F13A1: variants seen among roughly 807,000 people sequenced by gnomAD.
F13A1 encodes coagulation factor XIII A chain.
In F13A1, 47 loss-of-function variants were observed where a neutral mutation model predicts 80.1. That is an observed-to-expected ratio of 0.59 (90% CI 0.46 to 0.75). The LOEUF (loss-of-function observed/expected upper bound fraction) is 0.75. Ranked by LOEUF, F13A1 falls within the 30% of genes least tolerant of loss-of-function variation. The pLI is 0.00. For synonymous variants in F13A1, 349 were observed against 344.9 expected, an observed-to-expected ratio of 1.01 and a Z score of -0.13; for missense variants, 817 against 930.4, an observed-to-expected ratio of 0.88 and a Z score of 1.59.
chr6:6,222,685 T>G (rs1211485249), intron 7 of F13A1, among the ~76,000 whole-genome samples: 1 of 152,238 alleles, frequency 6.6e-6, no homozygotes, highest in African/African-American at 2.4e-5. Flanking sequence ...TCTTGCCATA[T>G]GTACCTACTG....
In F13A1 at chr6:6,151,483, G is replaced by C. The variant is rs149275155; in HGVS notation, c.2045+330C>G. On this transcript the variant is annotated intron_variant, in intron 14 of 14. Transcript: ENST00000264870. ...CAAACTTGGGTTCTGGAATTCACCAGCCTGAGTCTGAATCTTGGCTCTGTT... is the reference window on the plus strand; with the variant it reads ...CAAACTTGGGTTCTGGAATTCACCACCCTGAGTCTGAATCTTGGCTCTGTT... Among the ~76,000 whole-genome samples the C allele has an allele frequency of 5.7e-3, 862 of 152,280 alleles. 11 individuals carry two copies. Among genetic ancestry groups the C allele is most frequent in the African/African-American group, 0.019 (802 of 41,552 alleles).
In F13A1 at chr6:6,145,371, G is replaced by A; in HGVS notation, c.*248C>T. The A allele has an allele frequency of 1.9e-6, 1 of 534,700 alleles. No individual in the cohort carries two copies. Among genetic ancestry groups the A allele is most frequent in the Non-Finnish European group, 3.4e-6 (1 of 295,774 alleles). 33.1% of individuals were successfully genotyped at this position (534,700 alleles called of 1,614,324 possible). A position where few individuals can be genotyped will look rare whatever the true frequency, so the allele number is the denominator to read the frequency against. On this transcript the variant is annotated 3_prime_UTR_variant, in exon 15 of 15. Transcript: ENST00000264870. ...ACTGTTACTCTTATGAGCTATGAGAGCTTAATTAAAGCTAATGCTTAGCAC... is the reference window on the plus strand; with the variant it reads ...ACTGTTACTCTTATGAGCTATGAGAACTTAATTAAAGCTAATGCTTAGCAC...
At chr6:6,157,801 C>T (rs963316214) in intron 13 of F13A1, among the ~76,000 whole-genome samples, 3 of 152,174 alleles carry the variant, frequency 2.0e-5, no homozygotes, top group Non-Finnish European at 2.9e-5. Flanking sequence ...ATTGGTTATT[C>T]TCATGTGTGT....
chr6:6,248,117 C>T (rs777626775), intron 6 of F13A1, among the ~76,000 whole-genome samples, 195 bp downstream of exon 6: 13 of 152,116 alleles, frequency 8.5e-5, no homozygotes, highest in Non-Finnish European at 1.6e-4. Flanking sequence ...AGTATTGAGA[C>T]GATAATTTTG....
chr6:6,179,860 G>A (rs555497663), intron 11 of F13A1, among the ~76,000 whole-genome samples: 30 of 152,108 alleles, frequency 2.0e-4, no homozygotes, highest in Non-Finnish European at 4.0e-4. Context: ...CATGCAGTGC[G>A]GACACATTTT....
intron 3 of F13A1, among the ~76,000 whole-genome samples, chr6:6,289,871 G>A (rs191008392): frequency 3.2e-3 from 480 of 149,726 alleles, no homozygotes; most frequent in South Asian, 4.4e-3. Flanking sequence ...ATTTCTATTC[G>A]TTTTTTGAGA....
intron 3 of F13A1, among the ~76,000 whole-genome samples, chr6:6,279,658 C>T (rs1174927119): frequency 6.6e-6 from 1 of 152,198 alleles, no homozygotes; most frequent in Non-Finnish European, 1.5e-5. Context: ...GAATCTCCTA[C>T]AGCAACTGAA....
chr6:6,191,312 A>T (rs1296973707), intron 10 of F13A1, among the ~76,000 whole-genome samples: 7 of 152,258 alleles, frequency 4.6e-5, no homozygotes, highest in African/African-American at 1.7e-4. Flanking sequence ...GATTGGTACT[A>T]CTTGTGAAAG....
At chr6:6,151,273 A>G (rs1228713349) in intron 14 of F13A1, among the ~76,000 whole-genome samples, 3 of 143,760 alleles carry the variant, frequency 2.1e-5, no homozygotes, top group African/African-American at 7.7e-5. Context: ...TTTAGGCTCA[A>G]CTAAAAAAAA....
At chr6:6,188,351 TG>T (rs1761118485) in intron 10 of F13A1, among the ~76,000 whole-genome samples, 1 of 142,172 alleles carries the variant, frequency 7.0e-6, no homozygotes, top group African/African-American at 2.6e-5. Flanking sequence ...CTTTCTCTTG[TG>T]GGCATTTAGT....
chr6:6,193,408 CCA>C (rs1354686180), intron 10 of F13A1, among the ~76,000 whole-genome samples: 1 of 152,138 alleles, frequency 6.6e-6, no homozygotes, highest in East Asian at 1.9e-4. Context: ...GCAGAGAGAG[CCA>C]CAGACTCGAA....
intron 6 of F13A1, among the ~76,000 whole-genome samples, chr6:6,244,608 T>A (rs1757529895): frequency 6.6e-6 from 1 of 152,106 alleles, no homozygotes; most frequent in East Asian, 1.9e-4. Flanking sequence ...CAACTCAATA[T>A]AAGAACAAGG....
intron 13 of F13A1, among the ~76,000 whole-genome samples, chr6:6,160,681 A>G (rs1387335961): frequency 2.0e-5 from 3 of 152,158 alleles, no homozygotes; most frequent in Admixed American, 2.0e-4. Flanking sequence ...GCTACAATTT[A>G]TTTACAGAGT....
chr6:6,177,195 C>A (rs915884042), intron 11 of F13A1, among the ~76,000 whole-genome samples: 3 of 152,116 alleles, frequency 2.0e-5, no homozygotes, highest in African/African-American at 7.2e-5. Context: ...GGTGCAAAGT[C>A]AAAAATATCT....
intron 6 of F13A1, among the ~76,000 whole-genome samples, chr6:6,245,771 G>A (rs2113095259): frequency 6.6e-6 from 1 of 152,306 alleles, no homozygotes; most frequent in Admixed American, 6.5e-5. Flanking sequence ...TTTCCCAGCA[G>A]CAAGTGCCCT....
In F13A1 at chr6:6,185,729, A is replaced by T. The variant is rs575609479; in HGVS notation, c.1306-3588T>A. 7.5e-3 allele frequency among the ~76,000 whole-genome samples: 1,147 copies of T among 152,292 alleles called. 21 individuals are homozygous for T. The highest frequency in any genetic ancestry group is 0.026 in the African/African-American group (1,084 of 41,542). On this transcript the variant is annotated intron_variant, in intron 10 of 14. Transcript: ENST00000264870. ...CAGCATGATTTATAGTCCTTTGGGT[A>T]TATACCCAGTAATGGGATGGCTGGT...
chr6:6,222,047 G>C lies in F13A1; in HGVS notation c.1098C>G (p.Thr366=). The stretch of plus-strand genomic sequence containing the variant: ...ATCAAACTCACCACACTGAATCCTT[G>C]GTGAGTTTGGAATTCACGTTCCCAT... ...EEDGNVNSKL[T]KDSVWNYHCW... Residue 366 remains threonine, a synonymous_variant, in exon 8 of 15, where the codon ACC becomes ACG. Transcript: ENST00000264870. 1 of 1,613,864 alleles carries C rather than the reference G, an allele frequency of 6.2e-7. No individual in the cohort carries two copies. Among genetic ancestry groups the C allele is most frequent in the Non-Finnish European group, 8.5e-7 (1 of 1,179,908 alleles).
chr6:6,292,796 T>A (rs1245289802), intron 3 of F13A1, among the ~76,000 whole-genome samples: 3 of 152,192 alleles, frequency 2.0e-5, no homozygotes, highest in African/African-American at 7.2e-5. Context: ...AGCACTTTTA[T>A]ACTCACAGGA....
intron 2 of F13A1, among the ~76,000 whole-genome samples, chr6:6,313,235 C>T (rs1758631146): frequency 2.0e-5 from 3 of 150,844 alleles, no homozygotes; most frequent in African/African-American, 7.3e-5. Context: ...TTCCCCTGTC[C>T]AAGCCTAGTT....
Sources: allele counts gnomAD v4.1 joint callset (sites outside exome capture counted in the v4.1 genomes callset), GRCh38; gene constraint gnomAD v4.1.1; transcripts MANE v1.5; gene names NCBI Gene and HGNC (gene_info 2026-07-23, HGNC 2026-07-21).